Variants in TTC19 observed in about 807,000 individuals in gnomAD.
TTC19 encodes tetratricopeptide repeat protein 19, mitochondrial.
A neutral mutation model predicts 49.5 loss-of-function variants in TTC19; 38 were observed. That is an observed-to-expected ratio of 0.77 (90% confidence interval 0.59 to 1.01). The LOEUF (loss-of-function observed/expected upper bound fraction) is 1.01, where lower values mean the gene tolerates loss of function less well. TTC19 is among the 50% of genes least tolerant of loss of function. The pLI is 0.00. For missense variants in TTC19, 475 were observed against 477.7 expected (o/e 0.99, Z 0.05); for synonymous variants, 204 against 185.2 (o/e 1.10, Z -0.83).
chr17:16,044,424 C>CA (rs2058305209), intron 2 of TTC19: 1 of 471,472 alleles, frequency 2.1e-6, no homozygotes, highest in African/African-American at 2.0e-5. Context: ...GCAAGGCCCC[C>CA]ACTTTCCTTT....
chr17:16,044,200 A>G (rs1480080117), intron 2 of TTC19, among the ~76,000 whole-genome samples: 1 of 151,916 alleles, frequency 6.6e-6, no homozygotes, highest in African/African-American at 2.4e-5. Context: ...AAAGAAAGAA[A>G]GGCTATCTGT....
chr17:16,021,396 AAAAAC>A (rs1356959186), intron 7 of TTC19, among the ~76,000 whole-genome samples: 1 of 152,124 alleles, frequency 6.6e-6, no homozygotes, highest in African/African-American at 2.4e-5. Context: ...TCAAAAAAGA[AAAAAC>A]AAAAAAACAA....
At position 16,000,288 on chromosome 17, in the gene TTC19, C is replaced by A. The variant is rs758853; in HGVS notation, c.312+43C>A. On this transcript the variant is annotated intron_variant, in intron 2 of 9. Transcript: ENST00000261647. ...CCTGCGCCCGGCCGAGCGCGGTAGCCTTTGTGAGCGGGGTCTTGGCGTTGC... is the reference window on the plus strand; with the variant it reads ...CCTGCGCCCGGCCGAGCGCGGTAGCATTTGTGAGCGGGGTCTTGGCGTTGC... 781,519 of 1,588,498 alleles carry A rather than the reference C, an allele frequency of 0.49. 200,221 individuals are homozygous for A. The highest frequency in any genetic ancestry group is 0.56 in the Middle Eastern group (2,450 of 4,404).
At chr17:16,034,619 A>G (rs997626301) in intron 2 of TTC19, 8 of 753,186 alleles carry the variant, frequency 1.1e-5, no homozygotes, top group African/African-American at 3.5e-5. Flanking sequence ...AAATACTTCT[A>G]TTCGGGAAAG....
At chr17:16,021,418 C>A (rs1971381150) in intron 7 of TTC19, among the ~76,000 whole-genome samples, 1 of 152,088 alleles carries the variant, frequency 6.6e-6, no homozygotes, top group Non-Finnish European at 1.5e-5. Context: ...ACAAAGTCAC[C>A]GCCTCATGGA....
chr17:16,005,597 C>G (rs571446244), intron 6 of TTC19, among the ~76,000 whole-genome samples: 17 of 152,326 alleles, frequency 1.1e-4, no homozygotes, highest in African/African-American at 3.8e-4. Context: ...AGTCGGCCTG[C>G]TTGGGTTGAC....
intron 2 of TTC19, chr17:16,034,790 G>C: frequency 6.2e-7 from 1 of 1,613,684 alleles, no homozygotes; most frequent in Non-Finnish European, 8.5e-7. Context: ...TGTCTTCCCA[G>C]GCCCACCCTG....
chr17:16,030,023 C>CT (rs1026338067), downstream of TTC19: 5 of 171,874 alleles, frequency 2.9e-5, no homozygotes, highest in Non-Finnish European at 5.0e-5. Context: ...CCACATCTAA[C>CT]TTTGACTCCT....
At chr17:16,007,566 G>T (rs1337027638) in intron 7 of TTC19, among the ~76,000 whole-genome samples, 1 of 151,952 alleles carries the variant, frequency 6.6e-6, no homozygotes, top group Admixed American at 6.6e-5. Flanking sequence ...TCACACTTTG[G>T]GGCCATTATG....
chr17:16,009,413 A>G (rs989950937), intron 7 of TTC19, among the ~76,000 whole-genome samples: 1 of 152,254 alleles, frequency 6.6e-6, no homozygotes, highest in Non-Finnish European at 1.5e-5. Flanking sequence ...TTTTCGGGTT[A>G]CATTTTAAGA....
chr17:16,040,521 A>T (rs2057363231), intron 2 of TTC19: 2 of 1,602,632 alleles, frequency 1.2e-6, no homozygotes. Context: ...ATTCAAGTTA[A>T]TTAAGATGTG....
At chr17:16,019,504 C>A (rs1477999862) in intron 7 of TTC19, among the ~76,000 whole-genome samples, 1 of 152,194 alleles carries the variant, frequency 6.6e-6, no homozygotes, top group Non-Finnish European at 1.5e-5. Flanking sequence ...GCCCTGTTTG[C>A]TTGCCAAACT....
chr17:16,000,865 G>A (rs141573709), intron 2 of TTC19, among the ~76,000 whole-genome samples: 1 of 152,070 alleles, frequency 6.6e-6, no homozygotes, highest in South Asian at 2.1e-4. Flanking sequence ...CTCAACATAC[G>A]CTTTCGCCAT....
At chr17:16,023,820 AAAAAG>A (rs1216066582) in intron 7 of TTC19, 3 of 152,230 alleles carry the variant, frequency 2.0e-5, no homozygotes, top group Non-Finnish European at 4.4e-5. Flanking sequence ...GAAGGTATTA[AAAAAG>A]AAAAGTCTCA....
At position 16,012,017 on chromosome 17, in the gene TTC19, T is replaced by C. The variant is rs955842186; in HGVS notation, c.676+5449T>C. ...GCATTTCTTTGATAAACAGTGAGGTTTATCTTTTTTTTTTTCTCACCATGT... is the reference window on the plus strand; with the variant it reads ...GCATTTCTTTGATAAACAGTGAGGTCTATCTTTTTTTTTTTCTCACCATGT... On this transcript the variant is annotated intron_variant, in intron 7 of 9. Transcript: ENST00000261647. Among the ~76,000 whole-genome samples, 4 of 150,962 alleles carry C rather than the reference T, an allele frequency of 2.6e-5. No homozygotes were observed. In the East Asian group the frequency reaches 7.7e-4, roughly 29 times the overall value.
downstream of TTC19, chr17:16,032,202 CA>C: frequency 7.8e-7 from 1 of 1,274,340 alleles, no homozygotes; most frequent in Non-Finnish European, 1.1e-6. Flanking sequence ...GGGAATAAGT[CA>C]CAGGAGGGCA....
At chr17:16,044,590 C>T (rs1320544210) in exon 3 of TTC19, 7 of 550,554 alleles carry the variant, frequency 1.3e-5, no homozygotes, top group Middle Eastern at 5.9e-4. Context: ...CCACCACGTC[C>T]GGCAGCGCCA....
chr17:16,006,541 A>G lies in TTC19; in HGVS notation c.649A>G (p.Lys217Glu). ...TCTAGAGGAAAAAATTGAAAGAGAA[A>G]AGGAATTAGCAGAAGACATTATGTC... Reference protein sequence around the residue: ...STLEEKIEREKELAEDIMSVE... With the variant: ...STLEEKIEREEELAEDIMSVE... Residue 217 changes from lysine (K) to glutamate (E), a missense_variant, in exon 7 of 10, where the codon AAG (lysine) becomes GAG (glutamate). Coordinates refer to ENST00000261647, the MANE Select transcript of TTC19 (RefSeq NM_017775.4). 1 of 1,613,000 alleles carries G rather than the reference A, an allele frequency of 6.2e-7. No homozygotes were observed. The highest frequency in any genetic ancestry group is 8.5e-7 in the Non-Finnish European group (1 of 1,178,962).
At chr17:16,035,219 G>A (rs1974033197) in intron 2 of TTC19, among the ~76,000 whole-genome samples, 1 of 152,176 alleles carries the variant, frequency 6.6e-6, no homozygotes, top group Admixed American at 6.5e-5. Context: ...GATGGCTGTG[G>A]CAATTTCTTT....
Sources: gnomAD v4.1 joint callset for allele counts (sites outside exome capture counted in the v4.1 genomes callset) on GRCh38, gnomAD v4.1.1 for gene constraint, MANE v1.5 for transcripts, NCBI Gene and HGNC (gene_info 2026-07-23, HGNC 2026-07-21) for gene names.